NBEA: variants seen among roughly 807,000 people sequenced by gnomAD.
NBEA encodes lysosomal-trafficking regulator 2.
In NBEA, 44 loss-of-function variants were observed where a neutral mutation model predicts 343.4. The ratio of observed to expected loss-of-function variants is 0.13; its 90% confidence interval spans 0.10 to 0.16. NBEA has a LOEUF of 0.16. Among genes scored for constraint, NBEA ranks in the 10% least tolerant of loss-of-function variants. NBEA has a pLI of 1.00. For synonymous variants in NBEA, 1,175 were observed against 1,238.7 expected (o/e 0.95, Z 1.08); for missense variants, 2,555 against 3,631.3 (o/e 0.70, Z 7.62).
chr13:35,503,125 T>C (rs1248472791), intron 41 of NBEA, among the ~76,000 whole-genome samples: 1 of 152,046 alleles, frequency 6.6e-6, no homozygotes, highest in African/African-American at 2.4e-5. Flanking sequence ...AATCAGTCTT[T>C]ATTTTTTTCC....
At chr13:35,262,405 T>C (rs1182541862) in intron 34 of NBEA, among the ~76,000 whole-genome samples, 2 of 152,156 alleles carry the variant, frequency 1.3e-5, no homozygotes, top group South Asian at 2.1e-4. Flanking sequence ...ATTGGTGTAA[T>C]AGTCAAGAGA....
chr13:35,581,415 G>A (rs2081028604), intron 45 of NBEA, among the ~76,000 whole-genome samples: 1 of 151,906 alleles, frequency 6.6e-6, no homozygotes, highest in Admixed American at 6.6e-5. Flanking sequence ...CTGCATAAAT[G>A]TCTTCTTTTG....
In NBEA at chr13:35,655,771, G is replaced by T. The variant is rs183757894; in HGVS notation, c.8362+22G>T. 6.3e-6 allele frequency: 10 copies of T among 1,593,204 alleles called. No homozygotes were observed. The East Asian group carries it at 2.2e-4, about 36-fold the overall frequency. Reference sequence around the variant, plus strand: ...AGCAGTGAGTGTTTGTATCAAATTTGTCCTATCAAACTATAGTTTATTTAA... The same window carrying T: ...AGCAGTGAGTGTTTGTATCAAATTTTTCCTATCAAACTATAGTTTATTTAA... On this transcript the variant is annotated intron_variant, in intron 55 of 58. Transcript: ENST00000379939.
chr13:35,482,150 C>A (rs1243255098), intron 41 of NBEA, among the ~76,000 whole-genome samples: 1 of 150,826 alleles, frequency 6.6e-6, no homozygotes. Context: ...AGTAATTCTT[C>A]TAAAGTAAGA....
intron 1 of NBEA, among the ~76,000 whole-genome samples, chr13:35,009,776 CA>C (rs1238795835): frequency 6.6e-6 from 1 of 152,120 alleles, no homozygotes; most frequent in Admixed American, 6.5e-5. Flanking sequence ...GAGATTTTTT[CA>C]GTAACACAGA....
chr13:34,979,792 C>A (rs1246380628), intron 1 of NBEA, among the ~76,000 whole-genome samples: 1 of 152,120 alleles, frequency 6.6e-6, no homozygotes. Context: ...ACATTGCTTT[C>A]CCTGTAGATC....
chr13:35,648,357 TGTA>T (rs2084351239), intron 51 of NBEA, among the ~76,000 whole-genome samples: 1 of 152,066 alleles, frequency 6.6e-6, no homozygotes, highest in South Asian at 2.1e-4. Context: ...TCAGCCACAT[TGTA>T]GACATAGAGA....
In NBEA at chr13:35,195,677, A is replaced by T. The variant is rs1008144516; in HGVS notation, c.4928-187A>T. Among the ~76,000 whole-genome samples, 4 of 152,250 alleles carry T rather than the reference A, an allele frequency of 2.6e-5. No homozygotes were observed. In the South Asian group the frequency reaches 8.3e-4, roughly 32 times the overall value. ...CTCCCAAAGTGCTGGGGTTACAGGC[A>T]TGAGCCATCATGTCTGGCTGGATGA... On this transcript the variant is annotated intron_variant, in intron 30 of 58. Coordinates refer to ENST00000379939, the MANE Select transcript of NBEA (RefSeq NM_001385012.1).
At chr13:35,611,441 A>G (rs1359673571) in intron 48 of NBEA, among the ~76,000 whole-genome samples, 1 of 152,204 alleles carries the variant, frequency 6.6e-6, no homozygotes. Context: ...TAACGGCTTT[A>G]TTAAAATATA....
rs181691839 is a variant in NBEA at position 35,530,050 on chromosome 13, T to C, written c.6586-20427T>C. Among the ~76,000 whole-genome samples the C allele has an allele frequency of 1.4e-3, 210 of 152,350 alleles. 2 individuals are homozygous for C. Among genetic ancestry groups the C allele is most frequent in the Middle Eastern group, 0.01 (3 of 294 alleles). On this transcript the variant is annotated intron_variant, in intron 41 of 58. Transcript: ENST00000379939. ...GAGATGGAGCTGGTCTATGTTTCTT[T>C]ACTCTGTGTTCATAGTATCAAAGTA...
chr13:35,402,044 T>C (rs2043025887), intron 38 of NBEA, among the ~76,000 whole-genome samples: 1 of 152,022 alleles, frequency 6.6e-6, no homozygotes, highest in Admixed American at 6.6e-5. Flanking sequence ...AAATTTTGGA[T>C]ATTGAGTCAA....
chr13:35,086,260 C>G (rs933061228), intron 10 of NBEA, among the ~76,000 whole-genome samples: 2 of 151,994 alleles, frequency 1.3e-5, no homozygotes, highest in African/African-American at 4.8e-5. Flanking sequence ...AAAAAAGAGC[C>G]CGCATTGCCA....
chr13:35,412,727 G>A (rs141120720), intron 38 of NBEA, among the ~76,000 whole-genome samples: 12 of 152,228 alleles, frequency 7.9e-5, no homozygotes, highest in African/African-American at 2.4e-4. Flanking sequence ...GCAGGAAACA[G>A]CTATGCTGGT....
intron 26 of NBEA, among the ~76,000 whole-genome samples, chr13:35,173,192 T>A (rs2070606522): frequency 6.6e-6 from 1 of 152,120 alleles, no homozygotes; most frequent in African/African-American, 2.4e-5. Flanking sequence ...GAAGGATACA[T>A]TGGGGGTTTC....
At chr13:35,302,725 G>A (rs1339850341) in intron 35 of NBEA, among the ~76,000 whole-genome samples, 2 of 152,084 alleles carry the variant, frequency 1.3e-5, no homozygotes, top group East Asian at 3.9e-4. Flanking sequence ...ATTCAATGTT[G>A]GCTAAACTTC....
chr13:35,391,775 G>A (rs2042511199), intron 38 of NBEA, among the ~76,000 whole-genome samples: 1 of 152,126 alleles, frequency 6.6e-6, no homozygotes, highest in Non-Finnish European at 1.5e-5. Flanking sequence ...GTGAAATAAG[G>A]AAATTTACAT....
chr13:35,143,206 A>G (rs2068192804), intron 18 of NBEA, among the ~76,000 whole-genome samples: 1 of 152,240 alleles, frequency 6.6e-6, no homozygotes, highest in African/African-American at 2.4e-5. Context: ...AGTCACACTC[A>G]TTTGTTTAGC....
chr13:35,279,545 A>G (rs894675592), intron 34 of NBEA, among the ~76,000 whole-genome samples: 2 of 152,224 alleles, frequency 1.3e-5, no homozygotes, highest in Non-Finnish European at 1.5e-5. Context: ...TAACTGGCTT[A>G]TTACTAACAT....
chr13:35,099,700 G>A (rs539851286), intron 11 of NBEA, among the ~76,000 whole-genome samples: 52 of 151,706 alleles, frequency 3.4e-4, no homozygotes, highest in Non-Finnish European at 7.1e-4. Context: ...TCTGATCTAC[G>A]CATAATATAA....
Sources: gnomAD v4.1 joint callset for allele counts (sites outside exome capture counted in the v4.1 genomes callset) on GRCh38, gnomAD v4.1.1 for gene constraint, MANE v1.5 for transcripts, NCBI Gene and HGNC (gene_info 2026-07-23, HGNC 2026-07-21) for gene names.